Variants in SLC44A5 observed in about 807,000 individuals in gnomAD.
SLC44A5 encodes choline transporter-like protein 5.
SLC44A5 carries 57 observed loss-of-function variants against 101.8 expected under a neutral mutation model. The observed-to-expected ratio is 0.56, with a 90% confidence interval of 0.45 to 0.70. The LOEUF is 0.70. Among genes scored for constraint, SLC44A5 ranks in the 30% least tolerant of loss-of-function variants. The pLI, the probability that SLC44A5 is intolerant of heterozygous loss-of-function variation, is 0.00. For synonymous variants in SLC44A5, 281 were observed against 290.9 expected (o/e 0.97, Z 0.35); for missense variants, 737 against 853.1 (o/e 0.86, Z 1.70).
the SLC44A5 span, among the ~76,000 whole-genome samples, chr1:75,713,142 A>G: frequency 6.6e-6 from 1 of 152,138 alleles, no homozygotes; most frequent in Admixed American, 6.6e-5. Context: ...TATTGAACCT[A>G]TTACCTCTGT....
At chr1:75,305,126 T>G (rs1393873818) in intron 4 of SLC44A5, among the ~76,000 whole-genome samples, 1 of 152,202 alleles carries the variant, frequency 6.6e-6, no homozygotes, top group East Asian at 1.9e-4. Context: ...TCCTCCTACC[T>G]CTAATCCACA....
chr1:75,667,798 A>G, the SLC44A5 span, among the ~76,000 whole-genome samples: 1 of 152,214 alleles, frequency 6.6e-6, no homozygotes, highest in African/African-American at 2.4e-5. Flanking sequence ...TTTTTTTGCC[A>G]TGTGAACATA....
chr1:75,285,108 A>C (rs1165896917), intron 5 of SLC44A5, among the ~76,000 whole-genome samples: 1 of 151,954 alleles, frequency 6.6e-6, no homozygotes, highest in Admixed American at 6.6e-5. Context: ...TGTCTGATAG[A>C]TTCATCTGTG....
chr1:75,290,016 A>C (rs1653403052), intron 5 of SLC44A5, among the ~76,000 whole-genome samples: 1 of 152,256 alleles, frequency 6.6e-6, no homozygotes, highest in Non-Finnish European at 1.5e-5. Context: ...TCAATAATCA[A>C]GATGGAAACC....
chr1:75,483,437 C>A (rs1667981446), intron 2 of SLC44A5, among the ~76,000 whole-genome samples: 1 of 151,998 alleles, frequency 6.6e-6, no homozygotes, highest in Non-Finnish European at 1.5e-5. Context: ...TTATTTGAAA[C>A]AAGATAAAAC....
the SLC44A5 span, among the ~76,000 whole-genome samples, chr1:75,649,568 C>A: frequency 2.6e-5 from 4 of 152,032 alleles, no homozygotes; most frequent in African/African-American, 9.7e-5. Context: ...ATTTCTAGGT[C>A]TATTAAATAG....
upstream of SLC44A5, chr1:75,615,728 A>T (rs1476481459): frequency 2.1e-6 from 1 of 487,126 alleles, no homozygotes; most frequent in Non-Finnish European, 2.7e-6. Context: ...CTCCCCGGAC[A>T]CGGCAAACTC....
At chr1:75,571,604 A>G (rs1340577714) in intron 1 of SLC44A5, among the ~76,000 whole-genome samples, 1 of 152,204 alleles carries the variant, frequency 6.6e-6, no homozygotes, top group Non-Finnish European at 1.5e-5. Flanking sequence ...TAAGCTTTGT[A>G]TTATATGGTG....
chr1:75,414,801 A>T (rs1411631918), intron 2 of SLC44A5, among the ~76,000 whole-genome samples: 1 of 152,246 alleles, frequency 6.6e-6, no homozygotes. Flanking sequence ...AGTCTAGCAT[A>T]ATTGAAAAGA....
chr1:75,255,879 T>G (rs1037318829), intron 6 of SLC44A5, among the ~76,000 whole-genome samples: 3 of 151,770 alleles, frequency 2.0e-5, no homozygotes, highest in Admixed American at 2.0e-4. Flanking sequence ...AGAATTGTTT[T>G]TCAATCTACA....
At chr1:75,469,946 T>A (rs1045483869) in intron 2 of SLC44A5, among the ~76,000 whole-genome samples, 1 of 142,008 alleles carries the variant, frequency 7.0e-6, no homozygotes, top group Admixed American at 7.1e-5. Flanking sequence ...GTATCCTGAC[T>A]CCCATAATAA....
At chr1:75,304,996 G>A in intron 4 of SLC44A5, among the ~76,000 whole-genome samples, 1 of 152,058 alleles carries the variant, frequency 6.6e-6, no homozygotes, top group East Asian at 1.9e-4. Flanking sequence ...GTGTTTCTCT[G>A]GCATAAAAGT....
chr1:75,219,455 C>T (rs1647031450), intron 15 of SLC44A5, 111 bp from the exon 16 acceptor site: 2 of 751,394 alleles, frequency 2.7e-6, no homozygotes, highest in Non-Finnish European at 4.7e-6. Context: ...TAAAAAATGC[C>T]TAATATTTTA....
chr1:75,352,400 T>C (rs1292318954), intron 3 of SLC44A5, among the ~76,000 whole-genome samples: 1 of 150,894 alleles, frequency 6.6e-6, no homozygotes, highest in Non-Finnish European at 1.5e-5. Context: ...TTCCCCCCGA[T>C]GTGTCCATGT....
chr1:75,668,209 C>G, the SLC44A5 span, among the ~76,000 whole-genome samples: 1 of 151,172 alleles, frequency 6.6e-6, no homozygotes, highest in South Asian at 2.1e-4. Flanking sequence ...ATAGGTTTTA[C>G]TGTGGAAGTG....
chr1:75,338,408 T>C (rs758728002), intron 4 of SLC44A5, among the ~76,000 whole-genome samples: 1 of 152,238 alleles, frequency 6.6e-6, no homozygotes, highest in Non-Finnish European at 1.5e-5. Flanking sequence ...CTGTATTTCC[T>C]CTTTCTAAAT....
chr1:75,588,239 GGAAGGAGT>G (rs1285555706), intron 1 of SLC44A5, among the ~76,000 whole-genome samples: 9 of 142,404 alleles, frequency 6.3e-5, no homozygotes, highest in African/African-American at 1.0e-4. Context: ...AGGGAGGGAA[GGAAGGAGT>G]GAAGGAGGGA....
intron 3 of SLC44A5, among the ~76,000 whole-genome samples, chr1:75,374,573 C>T (rs1660444746): frequency 6.6e-6 from 1 of 152,172 alleles, no homozygotes; most frequent in Admixed American, 6.5e-5. Flanking sequence ...ATTCCCCTCC[C>T]CAGGGCACCG....
At position 75,242,036 on chromosome 1, in the gene SLC44A5, T is replaced by A. The variant is rs1648678976; in HGVS notation, c.497A>T (p.Asp166Val). 1.9e-6 allele frequency: 3 copies of A among 1,612,278 alleles called. No homozygotes were observed. The highest frequency in any genetic ancestry group is 1.7e-5 in the Admixed American group (1 of 59,846). ...GGGAAAAATCGCTGTTGGACAATCA[T>A]CATCCAGTAAAAGCTGTGTGAGAGA... ...VKSLTQLLLD[D>V]DCPTAIFPSK... Residue 166 changes from aspartate to valine, a missense_variant, in exon 9 of 24, where the codon GAT (aspartate) becomes GTT (valine). Transcript: ENST00000370859.
Sources: gnomAD v4.1 joint callset for allele counts (sites outside exome capture counted in the v4.1 genomes callset) on GRCh38, gnomAD v4.1.1 for gene constraint, MANE v1.5 for transcripts, NCBI Gene and HGNC (gene_info 2026-07-23, HGNC 2026-07-21) for gene names.